DYTN: variants seen among roughly 807,000 people sequenced by gnomAD.
DYTN encodes dystrotelin.
DYTN carries 75 observed loss-of-function variants against 69.6 expected under a neutral mutation model. The observed-to-expected ratio is 1.08, with a 90% CI of 0.89 to 1.31. The LOEUF (loss-of-function observed/expected upper bound fraction) is 1.31. Ranked by LOEUF, DYTN falls within the 50% of genes most tolerant of loss-of-function variation. DYTN has a pLI of 0.00. For missense variants in DYTN, 726 were observed against 688.4 expected (o/e 1.05, Z -0.61); for synonymous variants, 252 against 249.1 (o/e 1.01, Z -0.11).
intron 5 of DYTN, among the ~76,000 whole-genome samples, chr2:206,701,952 A>G (rs1699981921): frequency 6.6e-6 from 1 of 152,234 alleles, no homozygotes; most frequent in African/African-American, 2.4e-5. Context: ...AATAAAGCCA[A>G]GAGTAATTGA....
intron 10 of DYTN, among the ~76,000 whole-genome samples, chr2:206,663,712 T>C (rs937292047): frequency 5.3e-5 from 8 of 152,228 alleles, no homozygotes; most frequent in Non-Finnish European, 7.4e-5. Flanking sequence ...TAAGCATATG[T>C]TGAATTGACA....
At chr2:206,668,259 C>T (rs904163384) in intron 9 of DYTN, among the ~76,000 whole-genome samples, 1 of 152,198 alleles carries the variant, frequency 6.6e-6, no homozygotes, top group African/African-American at 2.4e-5. Flanking sequence ...CTGCTTCCTC[C>T]ACTCTGGCCT....
intron 9 of DYTN, among the ~76,000 whole-genome samples, chr2:206,680,654 A>T (rs1389186530): frequency 6.6e-6 from 1 of 152,230 alleles, no homozygotes; most frequent in Admixed American, 6.5e-5. Flanking sequence ...ACGAAGGGGC[A>T]CTTAGGTTGT....
In DYTN at chr2:206,663,045, A is replaced by T. The variant is rs1375426971; in HGVS notation, c.1491T>A (p.Ala497=). The T allele has an allele frequency of 1.2e-6, 2 of 1,613,786 alleles. No individual in the cohort carries two copies. The highest frequency in any genetic ancestry group is 1.7e-6 in the Non-Finnish European group (2 of 1,179,876). The change falls in exon 11 of 12, where the codon GCT becomes GCA. Residue 497 remains alanine, a synonymous_variant. Coordinates refer to ENST00000452335, the MANE Select transcript of DYTN (RefSeq NM_001093730.1). ...LKQDIPKMVP[A]EMSSPALAAV... is the part of the protein sequence containing the mutation. ...CTGCCAGAGCAGGACTGCTCATTTC[A>T]GCAGGAACCATTTTGGGGATGTCCT...
intron 1 of DYTN, among the ~76,000 whole-genome samples, chr2:206,715,602 C>A (rs1212239376): frequency 6.6e-6 from 1 of 152,098 alleles, no homozygotes; most frequent in Non-Finnish European, 1.5e-5. Context: ...AATGTTTAAC[C>A]CTTTCCCCTT....
chr2:206,666,896 C>A (rs13029012), intron 9 of DYTN, among the ~76,000 whole-genome samples: 11,814 of 143,354 alleles, frequency 0.082, 549 homozygotes, highest in Non-Finnish European at 0.11. Context: ...CACACACACA[C>A]AAATTAGCTG....
chr2:206,709,878 A>T (rs566704439), intron 2 of DYTN, among the ~76,000 whole-genome samples: 7 of 152,270 alleles, frequency 4.6e-5, no homozygotes, highest in East Asian at 3.9e-4. Flanking sequence ...CACCTTGGAA[A>T]ATTTTCACAG....
chr2:206,659,197 A>C (rs1455297412), intron 11 of DYTN, among the ~76,000 whole-genome samples: 1 of 98,758 alleles, frequency 1.0e-5, no homozygotes, highest in African/African-American at 4.0e-5. Context: ...TTTGAGACGG[A>C]GTCTCACCCT....
At chr2:206,660,524 G>A (rs1260489652) in intron 11 of DYTN, among the ~76,000 whole-genome samples, 1 of 152,128 alleles carries the variant, frequency 6.6e-6, no homozygotes, top group African/African-American at 2.4e-5. Context: ...ACATGAATAC[G>A]CTAAAGACTA....
At chr2:206,658,858 A>T (rs1699476020) in intron 11 of DYTN, among the ~76,000 whole-genome samples, 1 of 152,326 alleles carries the variant, frequency 6.6e-6, no homozygotes, top group South Asian at 2.1e-4. Flanking sequence ...AGTGAAACCT[A>T]TAGTGGCAAA....
rs1574582762 is a variant in DYTN at position 206,651,758 on chromosome 2, T to C, written c.*60A>G. 8 of 1,445,870 alleles carry C rather than the reference T, an allele frequency of 5.5e-6. No individual in the cohort carries two copies. The East Asian group carries it at 1.4e-4, about 25-fold the overall frequency. The allele number at this position is 1,445,870 out of a possible 1,614,324, so 89.6% of individuals were successfully genotyped here. ...AAGGTAGAAGTCTTAATTCTTTTAATACAGTTGTGCAACTGCATTTTGTCA... is the reference window on the plus strand; with the variant it reads ...AAGGTAGAAGTCTTAATTCTTTTAACACAGTTGTGCAACTGCATTTTGTCA... On this transcript the variant is annotated 3_prime_UTR_variant, in exon 12 of 12. Transcript: ENST00000452335.
In DYTN at chr2:206,690,096, C is replaced by A. The variant is rs116158079; in HGVS notation, c.980+3079G>T. 5.3e-3 allele frequency among the ~76,000 whole-genome samples: 800 copies of A among 152,234 alleles called. 12 individuals are homozygous for A. The highest frequency in any genetic ancestry group is 0.018 in the African/African-American group (750 of 41,528). Reference sequence around the variant, plus strand: ...AGAAAAATAGAGCCAGCAAGGATAACTGGGAGTGCCAGAGTGAGGAAAGTG... The same window carrying A: ...AGAAAAATAGAGCCAGCAAGGATAAATGGGAGTGCCAGAGTGAGGAAAGTG... On this transcript the variant is annotated intron_variant, in intron 9 of 11. Coordinates refer to ENST00000452335, the MANE Select transcript of DYTN (RefSeq NM_001093730.1).
In DYTN at chr2:206,663,135, G is replaced by T. The variant is rs776107210; in HGVS notation, c.1401C>A (p.Ser467Arg). 6.2e-7 allele frequency: 1 copy of T among 1,613,840 alleles called. No homozygotes were observed. The highest frequency in any genetic ancestry group is 1.7e-5 in the Admixed American group (1 of 59,964). The change falls in exon 11 of 12, where the codon AGC becomes AGA. Residue 467 changes from serine to arginine, a missense_variant. By Grantham distance (110) the Ser-to-Arg change is moderately radical (BLOSUM62 -1). Coordinates refer to ENST00000452335, the MANE Select transcript of DYTN (RefSeq NM_001093730.1). ...ETTLHSTRAQ[S>R]QTQKMPQKVI... ...CTTTCTGTGGCATCTTTTGTGTTTG[G>T]CTTTGTGCCCTGGTGCTGTGCAAAG...
rs1252679503 is a variant in DYTN, at chr2:206,699,714, C to A, written c.719+13G>T. On this transcript the variant is annotated intron_variant, in intron 7 of 11. Coordinates refer to ENST00000452335, the MANE Select transcript of DYTN (RefSeq NM_001093730.1). Reference sequence around the variant, plus strand: ...GAGAATGATAATCCAAGAAATGCTGCTGATGACTGTACCTGAGTCCCGTGA... The same window carrying A: ...GAGAATGATAATCCAAGAAATGCTGATGATGACTGTACCTGAGTCCCGTGA... 6.2e-7 allele frequency: 1 copy of A among 1,608,024 alleles called. No homozygotes were observed. The highest frequency in any genetic ancestry group is 8.5e-7 in the Non-Finnish European group (1 of 1,177,488).
At chr2:206,676,088 A>C (rs1423122744) in intron 9 of DYTN, among the ~76,000 whole-genome samples, 4 of 152,204 alleles carry the variant, frequency 2.6e-5, no homozygotes, top group African/African-American at 9.7e-5. Context: ...GTATAAACCC[A>C]AAGGATTATA....
chr2:206,660,117 T>A (rs1387585251), intron 11 of DYTN, among the ~76,000 whole-genome samples: 1 of 152,200 alleles, frequency 6.6e-6, no homozygotes, highest in East Asian at 1.9e-4. Flanking sequence ...CTATTGAGAT[T>A]GTGAGTGAAA....
At chr2:206,676,412 A>C (rs1040625501) in intron 9 of DYTN, among the ~76,000 whole-genome samples, 3 of 151,950 alleles carry the variant, frequency 2.0e-5, no homozygotes, top group Non-Finnish European at 4.4e-5. Flanking sequence ...AGAACATCAC[A>C]TACCGGGGCC....
chr2:206,688,019 T>G (rs1431849649), intron 9 of DYTN, among the ~76,000 whole-genome samples: 5 of 152,210 alleles, frequency 3.3e-5, no homozygotes, highest in Non-Finnish European at 7.3e-5. Flanking sequence ...TTATCCTATT[T>G]AGAAAACCTT....
In DYTN at chr2:206,689,466, G is replaced by T. The variant is rs116646500; in HGVS notation, c.980+3709C>A. Among the ~76,000 whole-genome samples, 164 of 152,306 alleles carry T rather than the reference G, an allele frequency of 1.1e-3. 1 individual carries two copies. Among genetic ancestry groups the T allele is most frequent in the African/African-American group, 3.4e-3 (141 of 41,582 alleles). ...AACTCATCAAAGTCTAGGGTACACT[G>T]AAAATTATTACATAAGAATGTTATT... On this transcript the variant is annotated intron_variant, in intron 9 of 11. Transcript: ENST00000452335.
Sources: allele counts gnomAD v4.1 joint callset (sites outside exome capture counted in the v4.1 genomes callset), GRCh38; gene constraint gnomAD v4.1.1; transcripts MANE v1.5; gene names NCBI Gene and HGNC (gene_info 2026-07-23, HGNC 2026-07-21).